The following ATF7IP variants were observed in gnomAD, a reference collection of about 807,000 sequenced individuals.
ATF7IP encodes activating transcription factor 7-interacting protein 1.
Under a neutral mutation model 106.4 loss-of-function variants are expected in ATF7IP, and 23 were observed. That is an observed-to-expected ratio of 0.22 (90% confidence interval 0.16 to 0.31). ATF7IP has a LOEUF of 0.31. Ranked by LOEUF, ATF7IP falls within the 10% of genes least tolerant of loss-of-function variation. ATF7IP has a pLI of 1.00. For synonymous variants in ATF7IP, 542 were observed against 539.0 expected, an observed-to-expected ratio of 1.01 and a Z score of -0.08; for missense variants, 1,334 against 1,524.3, an observed-to-expected ratio of 0.88 and a Z score of 2.08.
chr12:14,395,403 G>A (rs1275476956), intron 1 of ATF7IP, among the ~76,000 whole-genome samples: 1 of 152,090 alleles, frequency 6.6e-6, no homozygotes, highest in African/African-American at 2.4e-5. Context: ...AGGAGATTTT[G>A]AATGCCACAT....
At chr12:14,398,620 A>G (rs1284034782) in intron 1 of ATF7IP, among the ~76,000 whole-genome samples, 1 of 151,980 alleles carries the variant, frequency 6.6e-6, no homozygotes, top group African/African-American at 2.4e-5. Flanking sequence ...TTATTCTGAC[A>G]TGCTAATGGG....
Position 14,425,182 on chromosome 12 carries a change from A to G in ATF7IP, c.1267A>G (p.Ile423Val), listed in dbSNP as rs748609373. The G allele has an allele frequency of 3.8e-6, 6 of 1,596,462 alleles. No homozygotes were observed. In the East Asian group the frequency reaches 1.3e-4, roughly 36 times the overall value. ...TATTGAAGATAACAAAAGTGAGAAT[A>G]TCTTAGAAAATACAGACTCTATGGA... ...NVIEDNKSEN[I>V]LENTDSMETD... The change falls in exon 2 of 15, where the codon ATC becomes GTC. Residue 423 changes from isoleucine (I) to valine (V), a missense_variant. Coordinates refer to ENST00000261168, the MANE Select transcript of ATF7IP (RefSeq NM_018179.5).
intron 1 of ATF7IP, among the ~76,000 whole-genome samples, chr12:14,403,023 G>C (rs1463742415): frequency 1.3e-5 from 2 of 152,008 alleles, no homozygotes; most frequent in Non-Finnish European, 2.9e-5. Context: ...AATGTCTGTG[G>C]TGTTTTATTA....
At chr12:14,497,216 T>C (rs1377426121) in intron 14 of ATF7IP, among the ~76,000 whole-genome samples, 1 of 152,208 alleles carries the variant, frequency 6.6e-6, no homozygotes, top group Non-Finnish European at 1.5e-5. Flanking sequence ...AACTTAAAAA[T>C]GAAAGTATAT....
At chr12:14,493,065 C>G (rs1210013059) in intron 13 of ATF7IP, among the ~76,000 whole-genome samples, 1 of 152,212 alleles carries the variant, frequency 6.6e-6, no homozygotes, top group East Asian at 1.9e-4. Flanking sequence ...TTCCAGCTCT[C>G]TCACAGTGTG....
chr12:14,498,003 T>A lies in ATF7IP; in HGVS notation c.3743T>A (p.Ile1248Asn). The A allele has an allele frequency of 6.2e-7, 1 of 1,613,846 alleles. No individual in the cohort carries two copies. The highest frequency in any genetic ancestry group is 8.5e-7 in the Non-Finnish European group (1 of 1,179,720). Residue 1248 changes from isoleucine to asparagine, a missense_variant, in exon 15 of 15, where the codon ATT becomes AAT. By Grantham distance (149) the Ile-to-Asn change is moderately radical (BLOSUM62 -3). Transcript: ENST00000261168. ...KYYFAVRAKD[I>N]YGRFGPFCDP... Reference sequence around the variant, plus strand: ...TACTTTGCAGTACGAGCCAAGGATATTTATGGACGTTTTGGGCCTTTCTGT... The same window carrying A: ...TACTTTGCAGTACGAGCCAAGGATAATTATGGACGTTTTGGGCCTTTCTGT...
chr12:14,386,860 T>C (rs1939267382), intron 1 of ATF7IP, among the ~76,000 whole-genome samples: 1 of 152,158 alleles, frequency 6.6e-6, no homozygotes, highest in East Asian at 1.9e-4. Context: ...TGTGTCTTCG[T>C]TATGTTGATT....
At chr12:14,457,416 A>C in intron 8 of ATF7IP, 121 bp downstream of exon 8, 1 of 713,224 alleles carries the variant, frequency 1.4e-6, no homozygotes, top group South Asian at 2.0e-5. Context: ...GTCTAAGTAC[A>C]AAAATTTTGT....
chr12:14,470,209 C>T (rs1943989129), intron 10 of ATF7IP, among the ~76,000 whole-genome samples: 1 of 152,172 alleles, frequency 6.6e-6, no homozygotes, highest in South Asian at 2.1e-4. Context: ...TTCACATTTG[C>T]TGAAGTGTGC....
At chr12:14,400,784 C>T (rs78900814) in intron 1 of ATF7IP, among the ~76,000 whole-genome samples, 3,379 of 152,242 alleles carry the variant, frequency 0.022, 116 homozygotes, top group African/African-American at 0.075. Context: ...GCTCATGGTA[C>T]ATAAGACCAC....
chr12:14,460,936 G>T lies in ATF7IP; in HGVS notation c.2600G>T (p.Gly867Val). Residue 867 changes from glycine (G) to valine (V), a missense_variant, in exon 9 of 15, where the codon GGA (glycine) becomes GTA (valine). This residue lies in a region of ATF7IP where 370 missense variants were observed against 401.2 expected (regional missense o/e 0.92). Coordinates refer to ENST00000261168, the MANE Select transcript of ATF7IP (RefSeq NM_018179.5). ...RNPTASAAPL[G>V]TTLAVQAVPT... Reference sequence around the variant, plus strand: ...CCTACTGCCAGTGCTGCACCATTGGGAACAACACTTGCTGTGCAGGCTGTT... The same window carrying T: ...CCTACTGCCAGTGCTGCACCATTGGTAACAACACTTGCTGTGCAGGCTGTT... 6.2e-7 allele frequency: 1 copy of T among 1,614,072 alleles called. No individual in the cohort carries two copies. The highest frequency in any genetic ancestry group is 1.1e-5 in the South Asian group (1 of 91,074).
chr12:14,401,719 T>C (rs1293085952), intron 1 of ATF7IP, among the ~76,000 whole-genome samples: 5 of 140,830 alleles, frequency 3.6e-5, no homozygotes, highest in Non-Finnish European at 7.7e-5. Context: ...TTAAGCTTTT[T>C]TTTTTTTTTT....
chr12:14,447,297 T>G (rs1356177394), intron 6 of ATF7IP, among the ~76,000 whole-genome samples: 1 of 148,632 alleles, frequency 6.7e-6, no homozygotes, highest in Non-Finnish European at 1.5e-5. Context: ...TTTTTTTTTT[T>G]TTTTGAGATG....
chr12:14,450,083 T>G (rs914182715), intron 6 of ATF7IP, among the ~76,000 whole-genome samples: 6 of 152,098 alleles, frequency 3.9e-5, no homozygotes, highest in African/African-American at 1.2e-4. Flanking sequence ...GTCTTTAGGG[T>G]TTTTACATAT....
At position 14,380,916 on chromosome 12, in the gene ATF7IP, G is replaced by A. The variant is rs151308315; in HGVS notation, c.-8+15089G>A. ...ATTACAGGCATGAGCCACCGTGCCC[G>A]GCCAGGTACTCTCATTTTTAACTGC... On this transcript the variant is annotated intron_variant, in intron 1 of 14. Transcript: ENST00000261168. Among the ~76,000 whole-genome samples the A allele has an allele frequency of 3.4e-3, 523 of 152,292 alleles. 4 individuals are homozygous for A. The highest frequency in any genetic ancestry group is 0.012 in the African/African-American group (484 of 41,562).
chr12:14,379,044 T>C (rs1022256847), intron 1 of ATF7IP, among the ~76,000 whole-genome samples: 19 of 152,174 alleles, frequency 1.2e-4, no homozygotes, highest in African/African-American at 4.6e-4. Context: ...AGTTTGGATT[T>C]GTATCCCCAC....
chr12:14,385,299 G>A (rs1406821143), intron 1 of ATF7IP: 2 of 1,194,914 alleles, frequency 1.7e-6, no homozygotes, highest in South Asian at 1.4e-5. Context: ...GTGCAACTGA[G>A]ACTGTGCAGC....
At chr12:14,463,134 C>G (rs1357211965) in intron 9 of ATF7IP, among the ~76,000 whole-genome samples, 1 of 151,948 alleles carries the variant, frequency 6.6e-6, no homozygotes, top group African/African-American at 2.4e-5. Flanking sequence ...TGAAACCAAA[C>G]TTTGGTACAT....
chr12:14,472,171 T>G (rs1944073380), intron 10 of ATF7IP, among the ~76,000 whole-genome samples: 1 of 152,186 alleles, frequency 6.6e-6, no homozygotes, highest in African/African-American at 2.4e-5. Context: ...TGGCTACATA[T>G]CTGACTTATT....
Sources: gnomAD v4.1 joint callset for allele counts (sites outside exome capture counted in the v4.1 genomes callset) on GRCh38, gnomAD v4.1.1 for gene constraint, gnomAD v4.1.1 regional missense constraint, MANE v1.5 for transcripts, NCBI Gene and HGNC (gene_info 2026-07-23, HGNC 2026-07-21) for gene names.